SEC14L2: variants seen among roughly 807,000 people sequenced by gnomAD.
SEC14L2 encodes the protein SEC14-like protein 2.
SEC14L2 carries 50 observed loss-of-function variants against 56.9 expected under a neutral mutation model. The observed-to-expected ratio is 0.88, with a 90% CI of 0.70 to 1.11. The LOEUF (loss-of-function observed/expected upper bound fraction) is 1.11. Ranked by LOEUF, SEC14L2 falls within the 50% of genes most tolerant of loss-of-function variation. The probability of loss-of-function intolerance (pLI) is 0.00; values close to 1 mark genes in which losing one functional copy is unlikely to be tolerated. For synonymous variants in SEC14L2, 179 were observed against 188.5 expected (o/e 0.95, Z 0.41); for missense variants, 414 against 500.7 (o/e 0.83, Z 1.65).
Position 30,422,646 on chromosome 22 carries a change from T to C in SEC14L2, c.*239T>C. 1 of 445,884 alleles carries C rather than the reference T, an allele frequency of 2.2e-6. No individual in the cohort carries two copies. 27.6% of individuals were successfully genotyped at this position (445,884 alleles called of 1,614,324 possible). A position where few individuals can be genotyped will look rare whatever the true frequency, so the allele number is the denominator to read the frequency against. ...ATCGTGATAGGATCTGTCTGTCCTG[T>C]AAACTGTGCCAACTTCACCTGTCCA... On this transcript the variant is annotated 3_prime_UTR_variant, in exon 12 of 12. Coordinates refer to ENST00000615189, the MANE Select transcript of SEC14L2 (RefSeq NM_012429.5).
intron 11 of SEC14L2, among the ~76,000 whole-genome samples, chr22:30,419,027 A>AAAAGATTCCTCAACTTTCATTC: frequency 6.6e-6 from 1 of 152,192 alleles, no homozygotes; most frequent in Non-Finnish European, 1.5e-5. Flanking sequence ...AGTACAGAAT[A>AAAAGATTCCTCAACTTTCATTC]CTCAACTAGG....
At position 30,403,550 on chromosome 22, in the gene SEC14L2, T is replaced by G. The variant is rs563654049; in HGVS notation, c.131-2792T>G. Among the ~76,000 whole-genome samples, 137 of 152,304 alleles carry G rather than the reference T, an allele frequency of 9.0e-4. 1 individual carries two copies. Among genetic ancestry groups the G allele is most frequent in the African/African-American group, 3.2e-3 (133 of 41,568 alleles). ...AGCCTGGAGAGGCCTCAAGCAGGCATGGGGAGGCCTCAGGTGTGGTACTGC... is the reference window on the plus strand; with the variant it reads ...AGCCTGGAGAGGCCTCAAGCAGGCAGGGGGAGGCCTCAGGTGTGGTACTGC... On this transcript the variant is annotated intron_variant, in intron 2 of 11. Transcript: ENST00000615189.
chr22:30,397,052 T>A lies in SEC14L2; in HGVS notation c.-65T>A. ...CCGGGTGGCGGCGAGGACGAGTCTGTGCTCCATCAGCTGCCGCACCCGCCG... is the reference window on the plus strand; with the variant it reads ...CCGGGTGGCGGCGAGGACGAGTCTGAGCTCCATCAGCTGCCGCACCCGCCG... On this transcript the variant is annotated 5_prime_UTR_variant, in exon 1 of 12. Transcript: ENST00000615189. The A allele has an allele frequency of 7.1e-7, 1 of 1,416,534 alleles. No individual in the cohort carries two copies. The highest frequency in any genetic ancestry group is 9.7e-7 in the Non-Finnish European group (1 of 1,027,404). The allele number at this position is 1,416,534 out of a possible 1,614,324, so 87.7% of individuals were successfully genotyped here. A position where few individuals can be genotyped will look rare whatever the true frequency, so the allele number is the denominator to read the frequency against.
intron 5 of SEC14L2, among the ~76,000 whole-genome samples, chr22:30,408,160 C>A (rs1291703978): frequency 6.6e-6 from 1 of 150,694 alleles, no homozygotes; most frequent in African/African-American, 2.4e-5. Flanking sequence ...TCATAAAAAA[C>A]TCACTACATT....
chr22:30,397,100 C>G lies in SEC14L2; in HGVS notation c.-17C>G. The G allele has an allele frequency of 1.3e-6, 2 of 1,548,002 alleles. No individual in the cohort carries two copies. The highest frequency in any genetic ancestry group is 1.2e-5 in the South Asian group (1 of 84,010). On this transcript the variant is annotated 5_prime_UTR_variant, in exon 1 of 12. Transcript: ENST00000615189. ...CCGCCTCCCGCCCCCAAACCCCATC[C>G]CCGCGGTTGAGCCACGATGAGCGGC...
Position 30,416,403 on chromosome 22 carries a change from T to C in SEC14L2, c.1081T>C (p.Tyr361His). The change falls in exon 11 of 12, where the codon TAT becomes CAT. Residue 361 changes from tyrosine to histidine, a missense_variant and splice_region_variant. Physicochemically the swap from Tyr to His is moderately conservative, Grantham distance 83. Transcript: ENST00000615189. ...GTLTCSDPGIYVLRFDNTYSF... is the reference protein window; with the variant it reads ...GTLTCSDPGIHVLRFDNTYSF... ...CCTCACCTGCAGTGATCCTGGCATC[T>C]GTAAGTATCTCTGCCTTGGCAATGC... 1 of 1,614,264 alleles carries C rather than the reference T, an allele frequency of 6.2e-7. No individual in the cohort carries two copies. Among genetic ancestry groups the C allele is most frequent in the Non-Finnish European group, 8.5e-7 (1 of 1,180,044 alleles).
intron 2 of SEC14L2, among the ~76,000 whole-genome samples, chr22:30,405,070 A>AC (rs2146016853): frequency 6.7e-6 from 1 of 150,312 alleles, no homozygotes; most frequent in African/African-American, 2.4e-5. Flanking sequence ...AATTGTCTCA[A>AC]AAAAAAAAAG....
intron 2 of SEC14L2, among the ~76,000 whole-genome samples, chr22:30,403,300 C>T (rs1253126322): frequency 6.6e-6 from 1 of 152,172 alleles, no homozygotes; most frequent in Non-Finnish European, 1.5e-5. Flanking sequence ...TCTGCTTCCC[C>T]CTGACTGAGG....
At chr22:30,398,885 C>A in intron 1 of SEC14L2, 1 of 448,398 alleles carries the variant, frequency 2.2e-6, no homozygotes, top group South Asian at 1.6e-5. Context: ...CCTCTCTGAG[C>A]TTTAATTCCT....
At chr22:30,397,203 C>T (rs918816260) in intron 1 of SEC14L2, 33 bp downstream of exon 1, 2 of 1,485,508 alleles carry the variant, frequency 1.3e-6, no homozygotes, top group Admixed American at 2.2e-5. Context: ...GCTCCCGCCT[C>T]GGGCTGTGGC....
chr22:30,409,704 C>G (rs1328045116), intron 7 of SEC14L2, among the ~76,000 whole-genome samples: 1 of 151,888 alleles, frequency 6.6e-6, no homozygotes, highest in Non-Finnish European at 1.5e-5. Flanking sequence ...TTGAGACCAG[C>G]CTGGGTAACA....
At chr22:30,401,638 C>A (rs1328020444) in intron 2 of SEC14L2, among the ~76,000 whole-genome samples, 1 of 151,622 alleles carries the variant, frequency 6.6e-6, no homozygotes, top group Non-Finnish European at 1.5e-5. Flanking sequence ...CTCAGCCTCC[C>A]AAGTAGCTGG....
At chr22:30,397,214 C>A (rs1933779066) in intron 1 of SEC14L2, 44 bp downstream of exon 1, 4 of 1,454,806 alleles carry the variant, frequency 2.7e-6, no homozygotes, top group Non-Finnish European at 3.7e-6. Flanking sequence ...GGGCTGTGGC[C>A]CTCGCCCTCC....
intron 11 of SEC14L2, chr22:30,416,888 G>C: frequency 1.0e-6 from 1 of 1,004,570 alleles, no homozygotes; most frequent in Non-Finnish European, 1.2e-6. Context: ...GTTTACACAA[G>C]AATATAAGAA....
At chr22:30,414,644 G>T (rs1041424668) in intron 8 of SEC14L2, among the ~76,000 whole-genome samples, 6 of 152,132 alleles carry the variant, frequency 3.9e-5, no homozygotes, top group African/African-American at 1.4e-4. Context: ...GGCATAGGCA[G>T]GTTTTAGTAT....
At chr22:30,409,924 G>C (rs1934204178) in intron 7 of SEC14L2, among the ~76,000 whole-genome samples, 1 of 150,262 alleles carries the variant, frequency 6.7e-6, no homozygotes, top group African/African-American at 2.5e-5. Flanking sequence ...AGGGCTAGGT[G>C]CAGTGGCTCA....
rs781492937 is a variant in SEC14L2, at chr22:30,410,589, G to T, written c.581-7G>T. ...CCCAGCCTCACATTATCTGGTCTCT[G>T]TTCCAGCCCCCAAACTGTTTCCTGT... On this transcript the variant is annotated splice_region_variant and splice_polypyrimidine_tract_variant and intron_variant, in intron 7 of 11. Transcript: ENST00000615189. The T allele has an allele frequency of 1.4e-5, 22 of 1,613,856 alleles. No individual in the cohort carries two copies. The highest frequency in any genetic ancestry group is 1.7e-5 in the Non-Finnish European group (20 of 1,179,816).
chr22:30,420,510 G>A (rs954624255), intron 11 of SEC14L2: 1 of 152,152 alleles, frequency 6.6e-6, no homozygotes, highest in Non-Finnish European at 1.5e-5. Context: ...GAATGCAAAG[G>A]ACCTCTCCTC....
chr22:30,406,752 T>A (rs28570363), intron 3 of SEC14L2, among the ~76,000 whole-genome samples: 1 of 152,190 alleles, frequency 6.6e-6, no homozygotes, highest in South Asian at 2.1e-4. Context: ...TTTTCTTTTT[T>A]ATTTTTTTCT....
Sources: gnomAD v4.1 joint callset for allele counts (sites outside exome capture counted in the v4.1 genomes callset) on GRCh38, gnomAD v4.1.1 for gene constraint, MANE v1.5 for transcripts, NCBI Gene and HGNC (gene_info 2026-07-23, HGNC 2026-07-21) for gene names.